The following ZNF469 variants were observed in gnomAD, a reference collection of about 807,000 sequenced individuals.
The protein encoded by ZNF469 is zinc finger protein 469.
Under a neutral mutation model 1.0 loss-of-function variants are expected in ZNF469, and 1 was observed. That is an observed-to-expected ratio of 1.00 (90% CI 0.35 to 4.73). The LOEUF is 4.73. Ranked by LOEUF, ZNF469 falls within the 30% of genes most tolerant of loss-of-function variation. The probability of loss-of-function intolerance (pLI) is 0.16; values close to 1 mark genes in which losing one functional copy is unlikely to be tolerated. For missense variants in ZNF469, 6,100 were observed against 5,356.3 expected, an observed-to-expected ratio of 1.14 and a Z score of -4.33; for synonymous variants, 2,703 against 2,363.4, an observed-to-expected ratio of 1.14 and a Z score of -4.17.
At chr16:88,244,106 TG>T in the ZNF469 span, among the ~76,000 whole-genome samples, 1 of 146,736 alleles carries the variant, frequency 6.8e-6, no homozygotes, top group Non-Finnish European at 1.5e-5. Context: ...GCTGAATGGG[TG>T]GGTGGGTGGA....
chr16:88,435,081 G>C lies in ZNF469; in HGVS notation c.7611G>C (p.Glu2537Asp), dbSNP rs199519673. 835 of 1,550,410 alleles carry C rather than the reference G, an allele frequency of 5.4e-4. 3 individuals carry two copies. In the African/African-American group the frequency reaches 0.01, roughly 19 times the overall value. ...RKKSHRVSGK[E>D]RPNHSRGDPS... ...AAAGCCACAGGGTGTCTGGGAAGGA[G>C]AGACCAAATCACTCACGGGGAGACC... Residue 2537 changes from glutamate (E) to aspartate (D), a missense_variant, in exon 3 of 3, where the codon GAG becomes GAC. Glu to Asp is a conservative substitution (Grantham distance 45). Coordinates refer to ENST00000565624, the MANE Select transcript of ZNF469 (RefSeq NM_001367624.2).
intron 1 of ZNF469, among the ~76,000 whole-genome samples, chr16:88,422,766 GGATGGA>G (rs1905524137): frequency 6.7e-6 from 1 of 148,356 alleles, no homozygotes; most frequent in Non-Finnish European, 1.5e-5. Context: ...ATGGATGGAT[GGATGGA>G]TGGATGGTTG....
the ZNF469 span, among the ~76,000 whole-genome samples, chr16:88,160,235 A>G: frequency 2.0e-5 from 3 of 152,268 alleles, no homozygotes; most frequent in African/African-American, 7.2e-5. Context: ...CTCCCTTTGG[A>G]GCAAAGAGAC....
At chr16:88,393,474 AG>A (rs1017952262) in intron 1 of ZNF469, among the ~76,000 whole-genome samples, 3 of 152,090 alleles carry the variant, frequency 2.0e-5, no homozygotes, top group Admixed American at 6.5e-5. Flanking sequence ...GAGGGCACCC[AG>A]GGGGGCCTGC....
the ZNF469 span, among the ~76,000 whole-genome samples, chr16:88,222,671 C>T: frequency 6.6e-6 from 1 of 152,012 alleles, no homozygotes; most frequent in African/African-American, 2.4e-5. Flanking sequence ...GCAGGAGAAT[C>T]GCTTGAACCT....
At chr16:88,137,979 G>A in the ZNF469 span, among the ~76,000 whole-genome samples, 8 of 152,256 alleles carry the variant, frequency 5.3e-5, no homozygotes, top group Admixed American at 2.6e-4. Context: ...AGCAACAACA[G>A]AGCCTGGAGA....
At position 88,440,280 on chromosome 16, in the gene ZNF469, C is replaced by A. The variant is rs535054186; in HGVS notation, c.*948C>A. The A allele has an allele frequency of 6.6e-6, 1 of 152,168 alleles. No individual in the cohort carries two copies. The highest frequency in any genetic ancestry group is 2.1e-4 in the South Asian group (1 of 4,818). 9.4% of individuals were successfully genotyped at this position (152,168 alleles called of 1,614,324 possible). ...GTCGAGGGCACGGGCACCTGCATGGCGGCGCTCTCCCTGCCTCCCCTGCCG... is the reference window on the plus strand; with the variant it reads ...GTCGAGGGCACGGGCACCTGCATGGAGGCGCTCTCCCTGCCTCCCCTGCCG... On this transcript the variant is annotated 3_prime_UTR_variant, in exon 3 of 3. Coordinates refer to ENST00000565624, the MANE Select transcript of ZNF469 (RefSeq NM_001367624.2).
the ZNF469 span, among the ~76,000 whole-genome samples, chr16:88,269,136 G>A: frequency 3.3e-5 from 5 of 152,266 alleles, no homozygotes; most frequent in Non-Finnish European, 5.9e-5. Flanking sequence ...AGGTGAAGGT[G>A]GGGCAGGCAC....
the ZNF469 span, among the ~76,000 whole-genome samples, chr16:88,290,242 T>C: frequency 1.3e-5 from 2 of 152,252 alleles, no homozygotes; most frequent in Non-Finnish European, 2.9e-5. Context: ...GTGCAGCTGA[T>C]GGACTTTCAG....
At chr16:88,202,932 C>A in the ZNF469 span, among the ~76,000 whole-genome samples, 2 of 152,160 alleles carry the variant, frequency 1.3e-5, no homozygotes, top group African/African-American at 4.8e-5. Flanking sequence ...AGCCGGGTGC[C>A]GCAGCCGATG....
At chr16:88,381,671 A>T (rs548138508), upstream of ZNF469, among the ~76,000 whole-genome samples, 1 of 152,398 alleles carries the variant, frequency 6.6e-6, no homozygotes, top group African/African-American at 2.4e-5. Context: ...TGCCATGGAA[A>T]TGTGAGCCAA....
chr16:88,376,888 A>C, the ZNF469 span, among the ~76,000 whole-genome samples: 1 of 152,064 alleles, frequency 6.6e-6, no homozygotes, highest in Non-Finnish European at 1.5e-5. Flanking sequence ...CCCAGCCCAG[A>C]CGCCAGGCCT....
At chr16:88,132,301 T>C in the ZNF469 span, among the ~76,000 whole-genome samples, 1 of 152,266 alleles carries the variant, frequency 6.6e-6, no homozygotes, top group Non-Finnish European at 1.5e-5. Flanking sequence ...ACGCTCTCTC[T>C]GTCCTCCCCA....
intron 1 of ZNF469, among the ~76,000 whole-genome samples, chr16:88,423,969 G>T (rs531991100): frequency 1.3e-5 from 2 of 152,276 alleles, no homozygotes; most frequent in African/African-American, 4.8e-5. Flanking sequence ...GAAGGGAGGA[G>T]TGTTAAAGAA....
the ZNF469 span, among the ~76,000 whole-genome samples, chr16:88,255,910 G>T: frequency 6.6e-6 from 1 of 152,232 alleles, no homozygotes; most frequent in South Asian, 2.1e-4. Context: ...GGAAGGGTTT[G>T]TCTTAGGGTT....
the ZNF469 span, among the ~76,000 whole-genome samples, chr16:88,285,443 G>A: frequency 6.6e-6 from 1 of 152,346 alleles, no homozygotes; most frequent in East Asian, 1.9e-4. Context: ...GACAGTGTGG[G>A]AGGCCACACT....
rs559000174 is a variant in ZNF469 at position 88,434,994 on chromosome 16, G to A, written c.7524G>A (p.Ala2508=). ...GAGCCCCCGCGGAGCCGAGCCCAGC[G>A]GCCTTGCCTGCTCAGCAGCCTCTAG... The part of the protein sequence containing the change: ...HPGAPAEPSP[A]ALPAQQPLEP... Residue 2508 remains alanine, a synonymous_variant, in exon 3 of 3, where the codon GCG becomes GCA. Transcript: ENST00000565624. 22 of 1,550,132 alleles carry A rather than the reference G, an allele frequency of 1.4e-5. No individual in the cohort carries two copies. The highest frequency in any genetic ancestry group is 5.9e-5 in the Admixed American group (3 of 50,996).
At chr16:88,405,805 C>T (rs562069206) in intron 1 of ZNF469, among the ~76,000 whole-genome samples, 2 of 152,364 alleles carry the variant, frequency 1.3e-5, no homozygotes, top group African/African-American at 4.8e-5. Flanking sequence ...CCAGCCCGCC[C>T]CACGGCCCAG....
the ZNF469 span, among the ~76,000 whole-genome samples, chr16:88,232,185 C>G: frequency 6.6e-6 from 1 of 152,228 alleles, no homozygotes; most frequent in Non-Finnish European, 1.5e-5. Flanking sequence ...TTCAAGAAAA[C>G]TAGAGCACGA....
Sources: allele counts gnomAD v4.1 joint callset (sites outside exome capture counted in the v4.1 genomes callset), GRCh38; gene constraint gnomAD v4.1.1; transcripts MANE v1.5; gene names NCBI Gene and HGNC (gene_info 2026-07-23, HGNC 2026-07-21).